RITA1: variants seen among roughly 807,000 people sequenced by gnomAD.
RITA1 encodes RBPJ-interacting and tubulin-associated protein 1.
RITA1 carries 15 observed loss-of-function variants against 8.7 expected under a neutral mutation model. The observed-to-expected ratio is 1.72, with a 90% confidence interval of 1.15 to 2.65. The LOEUF (loss-of-function observed/expected upper bound fraction) is 2.65, where lower values mean the gene tolerates loss of function less well. RITA1 is among the 30% of genes most tolerant of loss of function. The pLI, the probability that RITA1 is intolerant of heterozygous loss-of-function variation, is 0.00. For synonymous variants in RITA1, 145 were observed against 156.2 expected (o/e 0.93, Z 0.53); for missense variants, 330 against 363.8 (o/e 0.91, Z 0.76).
chr12:113,191,875 G>T lies in RITA1; in HGVS notation c.*58G>T. The T allele has an allele frequency of 1.3e-6, 2 of 1,519,582 alleles. No homozygotes were observed. Among genetic ancestry groups the T allele is most frequent in the South Asian group, 1.3e-5 (1 of 76,146 alleles). The allele number at this position is 1,519,582 out of a possible 1,614,324, so 94.1% of individuals were successfully genotyped here. On this transcript the variant is annotated 3_prime_UTR_variant, in exon 4 of 4. Coordinates refer to ENST00000548278, the MANE Select transcript of RITA1 (RefSeq NM_032848.3). This position sits in a 1 kb window ranked among gnomAD's most constrained non-coding sequence, Gnocchi z 4.0. ...GGCGACAGGTATGGCCCCTTGCCAGGGTAGGAGGACATTCATCACCCAGGG... is the reference window on the plus strand; with the variant it reads ...GGCGACAGGTATGGCCCCTTGCCAGTGTAGGAGGACATTCATCACCCAGGG...
chr12:113,186,084 G>C, intron 1 of RITA1, 63 bp downstream of exon 1: 2 of 1,535,350 alleles, frequency 1.3e-6, no homozygotes, highest in South Asian at 2.4e-5. Context: ...ATTGATTTGG[G>C]AGTCGCAGAA....
rs529841977 is a variant in RITA1, at chr12:113,186,673, C to T, written c.-64-10C>T. Reference sequence around the variant, plus strand: ...TGGCTCAGGGGTGCTACTCTGACCTCCTCTCACAGGGAGCCTCGGAAGCAG... The same window carrying T: ...TGGCTCAGGGGTGCTACTCTGACCTTCTCTCACAGGGAGCCTCGGAAGCAG... On this transcript the variant is annotated splice_polypyrimidine_tract_variant and intron_variant, in intron 2 of 3. Transcript: ENST00000548278. 6 of 1,577,848 alleles carry T rather than the reference C, an allele frequency of 3.8e-6. No homozygotes were observed. In the Admixed American group the frequency reaches 7.0e-5, roughly 18 times the overall value.
rs1183240845 is a variant in RITA1, at chr12:113,186,984, TGTGAGACCACCCCCTCAAGGGGCA to T, written c.240_263del (p.Glu81_Ser88del). On this transcript the variant is annotated inframe_deletion, in exon 3 of 4. Transcript: ENST00000548278. ...GAAGGCCTTGGGGGCAAAGGGGAGC[TGTGAGACCACCCCCTCAAGGGGCA>T]GCACCCCCACCCTCACACCAAGGAA... 29 of 1,612,900 alleles carry T rather than the reference TGTGAGACCACCCCCTCAAGGGGCA, an allele frequency of 1.8e-5. No individual in the cohort carries two copies. The highest frequency in any genetic ancestry group is 2.5e-5 in the Non-Finnish European group (29 of 1,179,534).
Position 113,191,587 on chromosome 12 carries a change from CT to C in RITA1, c.581del (p.Leu194ArgfsTer12). On this transcript the variant is annotated frameshift_variant, in exon 4 of 4. Coordinates refer to ENST00000548278, the MANE Select transcript of RITA1 (RefSeq NM_032848.3). LOFTEE classifies it low-confidence loss of function (END_TRUNC). This position sits in a 1 kb window ranked among gnomAD's most constrained non-coding sequence, Gnocchi z 4.0. Reference sequence around the variant, plus strand: ...GGGTGGGTTACACTCTTCACGCCCCCTGAAGCGGGGACTTTCCCATTCCCTC... The same window carrying C: ...GGGTGGGTTACACTCTTCACGCCCCCGAAGCGGGGACTTTCCCATTCCCTC... ...SMGGLHSSRP[L>X]KRGLSHSLTH... The C allele has an allele frequency of 3.1e-6, 5 of 1,614,148 alleles. No individual in the cohort carries two copies. The highest frequency in any genetic ancestry group is 4.2e-6 in the Non-Finnish European group (5 of 1,180,008).
intron 1 of RITA1, 62 bp from the exon 2 acceptor site, chr12:113,186,123 C>T (rs1952533754): frequency 6.7e-7 from 1 of 1,500,198 alleles, no homozygotes; most frequent in Non-Finnish European, 9.0e-7. Context: ...GCGGTGATCT[C>T]CCGATAGCAG....
In RITA1 at chr12:113,185,864, G is replaced by A; in HGVS notation, c.-354G>A. 2 of 1,107,536 alleles carry A rather than the reference G, an allele frequency of 1.8e-6. No homozygotes were observed. Among genetic ancestry groups the A allele is most frequent in the Non-Finnish European group, 2.5e-6 (2 of 788,882 alleles). 68.6% of individuals were successfully genotyped at this position (1,107,536 alleles called of 1,614,324 possible). A position where few individuals can be genotyped will look rare whatever the true frequency, so the allele number is the denominator to read the frequency against. ...GTGCCCCGGGACGGCCTAGGCTGCC[G>A]GGGGTCCGGGGCCCCAGGCATTCCG... On this transcript the variant is annotated 5_prime_UTR_variant, in exon 1 of 4. Coordinates refer to ENST00000548278, the MANE Select transcript of RITA1 (RefSeq NM_032848.3).
intron 3 of RITA1, among the ~76,000 whole-genome samples, chr12:113,190,915 A>C (rs556082810): frequency 6.6e-6 from 1 of 152,232 alleles, no homozygotes; most frequent in Non-Finnish European, 1.5e-5. Context: ...AAGTAAAGTC[A>C]GGTGGCAGAA....
In RITA1 at chr12:113,186,797, T is replaced by C. The variant is rs1344340185; in HGVS notation, c.51T>C (p.Leu17=). 6.2e-7 allele frequency: 1 copy of C among 1,613,738 alleles called. No homozygotes were observed. Among genetic ancestry groups the C allele is most frequent in the South Asian group, 1.1e-5 (1 of 91,078 alleles). The change falls in exon 3 of 4, where the codon CTT becomes CTC. Residue 17 remains leucine, a synonymous_variant. Coordinates refer to ENST00000548278, the MANE Select transcript of RITA1 (RefSeq NM_032848.3). ...LAVSGMQTLG[L]QHRCRGGYRV... ...TCAGTGGGATGCAGACCCTCGGCCT[T>C]CAGCACCGCTGCCGAGGTGGCTACC...
At position 113,186,807 on chromosome 12, in the gene RITA1, T is replaced by A; in HGVS notation, c.61T>A (p.Cys21Ser). 1 of 1,613,816 alleles carries A rather than the reference T, an allele frequency of 6.2e-7. No individual in the cohort carries two copies. The highest frequency in any genetic ancestry group is 8.5e-7 in the Non-Finnish European group (1 of 1,179,996). Residue 21 changes from cysteine (C) to serine (S), a missense_variant, in exon 3 of 4, where the codon TGC (cysteine) becomes AGC (serine). By Grantham distance (112) the Cys-to-Ser change is moderately radical. Coordinates refer to ENST00000548278, the MANE Select transcript of RITA1 (RefSeq NM_032848.3). ...GCAGACCCTCGGCCTTCAGCACCGCTGCCGAGGTGGCTACCGGGTCAAGGC... is the reference window on the plus strand; with the variant it reads ...GCAGACCCTCGGCCTTCAGCACCGCAGCCGAGGTGGCTACCGGGTCAAGGC... ...GMQTLGLQHR[C>S]RGGYRVKART...
In RITA1 at chr12:113,191,420, G is replaced by C; in HGVS notation, c.413G>C (p.Arg138Pro). Residue 138 changes from arginine to proline, a missense_variant, in exon 4 of 4, where the codon CGT (arginine) becomes CCT (proline). Coordinates refer to ENST00000548278, the MANE Select transcript of RITA1 (RefSeq NM_032848.3). This position sits in a 1 kb window ranked among gnomAD's most constrained non-coding sequence, Gnocchi z 4.0. ...GCGAAGGGGGATGCCGCAAAGCTCC[G>C]TGCTCTCTTGTGGACGCCACCACCT... is the stretch of plus-strand genomic sequence containing the variant. ...RMAKGDAAKL[R>P]ALLWTPPPTP... is the part of the protein sequence containing the mutation. 6.2e-7 allele frequency: 1 copy of C among 1,609,608 alleles called. No homozygotes were observed. Among genetic ancestry groups the C allele is most frequent in the South Asian group, 1.1e-5 (1 of 90,852 alleles).
chr12:113,189,572 A>G (rs1952576799), intron 3 of RITA1, among the ~76,000 whole-genome samples: 1 of 152,166 alleles, frequency 6.6e-6, no homozygotes, highest in African/African-American at 2.4e-5. Flanking sequence ...TTGGCACCAG[A>G]CATATACAGG....
chr12:113,187,251 C>T (rs897222141), intron 3 of RITA1: 25 of 559,340 alleles, frequency 4.5e-5, no homozygotes, highest in Admixed American at 1.7e-4. Context: ...TGCAGTGCTT[C>T]GCACAGTAAC....
At chr12:113,188,786 CCTTTTTTTTTTTTTTTTTTTTTT>C (rs1952566485) in intron 3 of RITA1, among the ~76,000 whole-genome samples, 1 of 64,256 alleles carries the variant, frequency 1.6e-5, no homozygotes. Context: ...GCCTTAGTTA[CCTTTTTTTTTTTTTTTTTTTTTT>C]TTTTTTTTTT....
intron 2 of RITA1, 147 bp from the exon 3 acceptor site, chr12:113,186,536 C>T: frequency 7.3e-7 from 1 of 1,377,816 alleles, no homozygotes; most frequent in Non-Finnish European, 9.4e-7. Flanking sequence ...AAGAAATTTC[C>T]AAAATGCCCC....
chr12:113,188,045 C>G (rs1952557092), intron 3 of RITA1, among the ~76,000 whole-genome samples: 1 of 151,570 alleles, frequency 6.6e-6, no homozygotes, highest in Non-Finnish European at 1.5e-5. Context: ...GTGGCTTAAA[C>G]AACACAATTT....
At chr12:113,189,315 A>G (rs1483973464) in intron 3 of RITA1, among the ~76,000 whole-genome samples, 2 of 152,064 alleles carry the variant, frequency 1.3e-5, no homozygotes. Context: ...TTATAAAAAC[A>G]AGAATCAGTT....
chr12:113,187,694 T>C (rs1054211199), intron 3 of RITA1, among the ~76,000 whole-genome samples: 1 of 146,864 alleles, frequency 6.8e-6, no homozygotes, highest in African/African-American at 2.5e-5. Flanking sequence ...GAGGCAGAGA[T>C]TGCAATGAGC....
intron 3 of RITA1, among the ~76,000 whole-genome samples, chr12:113,189,221 G>A (rs189836669): frequency 1.3e-5 from 2 of 152,166 alleles, no homozygotes; most frequent in East Asian, 3.9e-4. Context: ...CATAAGAACT[G>A]GCCAGCTAAA....
intron 3 of RITA1, among the ~76,000 whole-genome samples, chr12:113,189,519 T>C (rs182120419): frequency 3.8e-4 from 58 of 151,808 alleles, no homozygotes; most frequent in African/African-American, 1.3e-3. Flanking sequence ...GGGTGTCAAG[T>C]GAGGGGTTGC....
Sources: allele counts gnomAD v4.1 joint callset (sites outside exome capture counted in the v4.1 genomes callset), GRCh38; gene constraint gnomAD v4.1.1; non-coding constraint Gnocchi (gnomAD v3.1); transcripts MANE v1.5; gene names NCBI Gene and HGNC (gene_info 2026-07-23, HGNC 2026-07-21).